Variants in RGS12 observed in about 807,000 individuals in gnomAD.
RGS12 encodes the protein regulator of G protein signaling 12, also known as regulator of G-protein signaling 12.
A neutral mutation model predicts 120.1 loss-of-function variants in RGS12; 66 were observed. The ratio of observed to expected loss-of-function variants is 0.55; its 90% CI spans 0.45 to 0.67. The LOEUF is 0.67. Among genes scored for constraint, RGS12 ranks in the 30% least tolerant of loss-of-function variants. RGS12 has a pLI of 0.00. For missense variants in RGS12, 1,859 were observed against 1,957.7 expected (o/e 0.95, Z 0.95); for synonymous variants, 827 against 804.7 (o/e 1.03, Z -0.47).
chr4:3,316,067 T>C lies in RGS12; in HGVS notation c.-101-3T>C. The C allele has an allele frequency of 8.3e-7, 1 of 1,206,948 alleles. No homozygotes were observed. The highest frequency in any genetic ancestry group is 2.4e-5 in the East Asian group (1 of 41,812). 74.8% of individuals were successfully genotyped at this position (1,206,948 alleles called of 1,614,324 possible). A position where few individuals can be genotyped will look rare whatever the true frequency, so the allele number is the denominator to read the frequency against. On this transcript the variant is annotated splice_region_variant and splice_polypyrimidine_tract_variant and intron_variant, in intron 1 of 17. Transcript: ENST00000336727. Reference sequence around the variant, plus strand: ...TAATGAGCTGTTCGTTTTTCTTTCTTAGGGCACTGTTTGAAGAAGCAAACA... The same window carrying C: ...TAATGAGCTGTTCGTTTTTCTTTCTCAGGGCACTGTTTGAAGAAGCAAACA...
At position 3,436,260 on chromosome 4, in the gene RGS12, C is replaced by T. The variant is rs919981544; in HGVS notation, c.4115-3195C>T. Among the ~76,000 whole-genome samples, 13 of 152,224 alleles carry T rather than the reference C, an allele frequency of 8.5e-5. 2 individuals carry two copies. The highest frequency in any genetic ancestry group is 1.3e-4 in the Admixed American group (2 of 15,296). ...GTGGGAAGGCTGGGAAGGGAAGGGG[C>T]CTTGGGAGCCACAGTGGATTGTAGG... is the stretch of plus-strand genomic sequence containing the variant. On this transcript the variant is annotated intron_variant, in intron 17 of 17. Transcript: ENST00000336727.
At chr4:3,323,345 C>T (rs1287196079) in intron 2 of RGS12, among the ~76,000 whole-genome samples, 1 of 152,274 alleles carries the variant, frequency 6.6e-6, no homozygotes, top group East Asian at 1.9e-4. Context: ...GCGAACAGCA[C>T]TGTAAGAGTC....
chr4:3,297,900 C>T (rs1723469945), intron 1 of RGS12, among the ~76,000 whole-genome samples: 1 of 152,200 alleles, frequency 6.6e-6, no homozygotes, highest in Non-Finnish European at 1.5e-5. Context: ...TAAGAAACAT[C>T]ACATAGGTAT....
chr4:3,334,381 A>G (rs1212694423), intron 2 of RGS12, among the ~76,000 whole-genome samples: 1 of 152,198 alleles, frequency 6.6e-6, no homozygotes, highest in Non-Finnish European at 1.5e-5. Flanking sequence ...TCCTGAGATA[A>G]ACCTAACTTA....
chr4:3,383,711 C>A (rs1375553307), intron 3 of RGS12, among the ~76,000 whole-genome samples: 1 of 152,210 alleles, frequency 6.6e-6, no homozygotes, highest in East Asian at 1.9e-4. Context: ...CTACACTTTA[C>A]CTGCATCCGT....
At chr4:3,393,570 C>G (rs1483250100) in intron 4 of RGS12, among the ~76,000 whole-genome samples, 1 of 152,150 alleles carries the variant, frequency 6.6e-6, no homozygotes, top group South Asian at 2.1e-4. Context: ...ACAGGGCTCA[C>G]CTTATTAATT....
chr4:3,342,497 C>T (rs1407359349), intron 2 of RGS12: 1 of 1,289,970 alleles, frequency 7.8e-7, no homozygotes, highest in Non-Finnish European at 1.0e-6. Context: ...AAAGTGCTTA[C>T]AAAATTATGA....
intron 1 of RGS12, among the ~76,000 whole-genome samples, chr4:3,315,473 C>T (rs564395132): frequency 1.8e-4 from 28 of 152,266 alleles, no homozygotes; most frequent in African/African-American, 5.1e-4. Context: ...CAGGCTAATA[C>T]GTTTTCCCCC....
upstream of RGS12, among the ~76,000 whole-genome samples, chr4:3,288,334 TC>T (rs1328558294): frequency 2.0e-5 from 3 of 151,890 alleles, no homozygotes; most frequent in Non-Finnish European, 4.4e-5. The surrounding 1 kb of genome is among the most constrained non-coding windows in gnomAD (Gnocchi z 5.2). Flanking sequence ...GTGGGCAGCA[TC>T]CCCACTGGGC....
At chr4:3,383,719 C>T (rs764040536) in intron 3 of RGS12, among the ~76,000 whole-genome samples, 9 of 152,310 alleles carry the variant, frequency 5.9e-5, no homozygotes, top group African/African-American at 1.7e-4. Flanking sequence ...TACCTGCATC[C>T]GTGCACTGTC....
intron 3 of RGS12, among the ~76,000 whole-genome samples, chr4:3,357,026 C>G (rs1028213549): frequency 2.6e-5 from 4 of 152,132 alleles, no homozygotes; most frequent in Non-Finnish European, 5.9e-5. Context: ...CACAAGGTTT[C>G]CAGCTTCTCC....
At chr4:3,362,580 G>T (rs1021568956) in intron 3 of RGS12, among the ~76,000 whole-genome samples, 1 of 146,632 alleles carries the variant, frequency 6.8e-6, no homozygotes. Context: ...TGGTGTGAGG[G>T]TGTGAGGGTG....
At chr4:3,294,526 G>A (rs904457177) in intron 1 of RGS12, among the ~76,000 whole-genome samples, 2 of 152,236 alleles carry the variant, frequency 1.3e-5, no homozygotes, top group Admixed American at 6.5e-5. Context: ...CAGTGCTTTT[G>A]GGGACTTGAG....
At chr4:3,287,605 G>T in the RGS12 span, among the ~76,000 whole-genome samples, 1 of 152,228 alleles carries the variant, frequency 6.6e-6, no homozygotes, top group African/African-American at 2.4e-5. Context: ...GAATAATATG[G>T]TCTACTTAAT....
At chr4:3,294,177 TG>T (rs977342999) in intron 1 of RGS12, among the ~76,000 whole-genome samples, 3 of 152,384 alleles carry the variant, frequency 2.0e-5, no homozygotes, top group Non-Finnish European at 2.9e-5. Context: ...GTCCTCAGCG[TG>T]GTCCATGCCG....
chr4:3,414,036 G>A, intron 4 of RGS12, 36 bp from the exon 5 acceptor site: 10 of 1,503,590 alleles, frequency 6.7e-6, no homozygotes, highest in Non-Finnish European at 8.9e-6. Flanking sequence ...GGGGCGGAGG[G>A]CAGGGGTGCA....
chr4:3,317,156 A>T lies in RGS12; in HGVS notation c.986A>T (p.Glu329Val). ...TNDDGSLAQE[E>V]EGALRTSCHV... is the part of the protein sequence containing the mutation. ...GACGACGGGAGCCTGGCCCAGGAGG[A>T]GGAGGGCGCCCTGCGGACTTCCTGC... is the stretch of plus-strand genomic sequence containing the variant. Residue 329 changes from glutamate (E) to valine (V), a missense_variant, in exon 2 of 18, where the codon GAG becomes GTG. By Grantham distance (121) the Glu-to-Val change is moderately radical. Coordinates refer to ENST00000336727, the MANE Select transcript of RGS12 (RefSeq NM_001394154.1). The T allele has an allele frequency of 1.2e-6, 2 of 1,612,930 alleles. No individual in the cohort carries two copies. The highest frequency in any genetic ancestry group is 1.7e-6 in the Non-Finnish European group (2 of 1,179,368).
intron 4 of RGS12, among the ~76,000 whole-genome samples, chr4:3,410,961 G>A (rs913978518): frequency 7.9e-5 from 12 of 152,240 alleles, no homozygotes; most frequent in Admixed American, 4.6e-4. Flanking sequence ...GGACTTGGCT[G>A]ATGGTGCTTT....
chr4:3,421,768 G>T (rs564577034), intron 10 of RGS12, among the ~76,000 whole-genome samples: 91 of 152,364 alleles, frequency 6.0e-4, no homozygotes, highest in African/African-American at 2.2e-3. Context: ...CCAGGTCTGG[G>T]CTGGGGCTGA....
Sources: gnomAD v4.1 joint callset for allele counts (sites outside exome capture counted in the v4.1 genomes callset) on GRCh38, gnomAD v4.1.1 for gene constraint, Gnocchi (gnomAD v3.1) non-coding constraint, MANE v1.5 for transcripts, NCBI Gene and HGNC (gene_info 2026-07-23, HGNC 2026-07-21) for gene names.